MICU1: variants seen among roughly 807,000 people sequenced by gnomAD.
MICU1 encodes the protein calcium uptake protein 1, mitochondrial.
MICU1 carries 45 observed loss-of-function variants against 56.8 expected under a neutral mutation model. The ratio of observed to expected loss-of-function variants is 0.79; its 90% CI spans 0.62 to 1.02. The LOEUF is 1.02. Ranked by LOEUF, MICU1 falls within the 50% of genes least tolerant of loss-of-function variation. The probability of loss-of-function intolerance (pLI) is 0.00; values close to 1 mark genes in which losing one functional copy is unlikely to be tolerated. For missense variants in MICU1, 504 were observed against 587.1 expected (o/e 0.86, Z 1.46); for synonymous variants, 186 against 195.1 (o/e 0.95, Z 0.39).
rs368720974 is a variant in MICU1 at position 72,458,430 on chromosome 10, A to C, written c.933+16670T>G. On this transcript the variant is annotated intron_variant, in intron 8 of 11. Transcript: ENST00000361114. ...ATATTATCAAAACATCTCACTGATC[A>C]ATATAATCCAGCACAATGAATTTAA... Among the ~76,000 whole-genome samples the C allele has an allele frequency of 1.3e-3, 201 of 152,306 alleles. 1 individual carries two copies. The highest frequency in any genetic ancestry group is 4.6e-3 in the African/African-American group (191 of 41,580).
At chr10:72,458,144 C>A (rs1341595197) in intron 8 of MICU1, among the ~76,000 whole-genome samples, 3 of 143,708 alleles carry the variant, frequency 2.1e-5, no homozygotes, top group African/African-American at 5.2e-5. Context: ...CCAGCCTGGG[C>A]AACAAGAGTA....
chr10:72,580,621 CA>C (rs1840874430), intron 1 of MICU1, among the ~76,000 whole-genome samples: 1 of 152,158 alleles, frequency 6.6e-6, no homozygotes, highest in Non-Finnish European at 1.5e-5. Context: ...GGACTACAGG[CA>C]TGCGCCACCA....
intron 8 of MICU1, among the ~76,000 whole-genome samples, chr10:72,430,644 T>C (rs1864494835): frequency 6.6e-6 from 1 of 152,124 alleles, no homozygotes; most frequent in Non-Finnish European, 1.5e-5. Context: ...CACTGCAACC[T>C]CCACCTTCCA....
At chr10:72,569,427 G>T (rs1235261039) in intron 1 of MICU1, among the ~76,000 whole-genome samples, 1 of 150,300 alleles carries the variant, frequency 6.7e-6, no homozygotes, top group Admixed American at 6.6e-5. Flanking sequence ...TAGAGATGGG[G>T]TTTCATCATG....
At chr10:72,596,641 G>C (rs1293604017) in intron 1 of MICU1, among the ~76,000 whole-genome samples, 2 of 152,086 alleles carry the variant, frequency 1.3e-5, no homozygotes, top group Non-Finnish European at 2.9e-5. Flanking sequence ...GGAGGCCGAG[G>C]TGGGTGGACC....
chr10:72,555,011 T>A lies in MICU1; in HGVS notation c.331-3670A>T, dbSNP rs188243312. On this transcript the variant is annotated intron_variant, in intron 3 of 11. Transcript: ENST00000361114. The stretch of plus-strand genomic sequence containing the variant: ...GCCTGGGTGATAGAGAGAGACTCTA[T>A]CTCAAAACAAAACAAAACATACAAA... Among the ~76,000 whole-genome samples the A allele has an allele frequency of 1.2e-3, 186 of 152,124 alleles. 1 individual carries two copies. Among genetic ancestry groups the A allele is most frequent in the African/African-American group, 4.0e-3 (167 of 41,492 alleles).
chr10:72,496,272 G>A (rs7082088), intron 6 of MICU1, among the ~76,000 whole-genome samples: 8,004 of 150,766 alleles, frequency 0.053, 730 homozygotes, highest in African/African-American at 0.19. Flanking sequence ...GGATAATATA[G>A]GCATGTGCCA....
chr10:72,516,196 C>T (rs561642073), intron 5 of MICU1, among the ~76,000 whole-genome samples: 3 of 152,178 alleles, frequency 2.0e-5, no homozygotes, highest in Non-Finnish European at 2.9e-5. Flanking sequence ...CCAGTGATGA[C>T]GAGCTTTTTT....
At chr10:72,613,887 G>A in intron 1 of MICU1, among the ~76,000 whole-genome samples, 1 of 152,118 alleles carries the variant, frequency 6.6e-6, no homozygotes, top group East Asian at 1.9e-4. Context: ...GCTCACACCT[G>A]TAATCCCAGC....
intron 6 of MICU1, among the ~76,000 whole-genome samples, chr10:72,506,910 C>T (rs1274640945): frequency 6.6e-6 from 1 of 152,118 alleles, no homozygotes; most frequent in Non-Finnish European, 1.5e-5. Context: ...TACTGCTCCA[C>T]CGTATGAATT....
At chr10:72,526,648 C>T (rs1259753516) in intron 5 of MICU1, among the ~76,000 whole-genome samples, 6 of 152,112 alleles carry the variant, frequency 3.9e-5, no homozygotes, top group Non-Finnish European at 8.8e-5. Flanking sequence ...TAATGAGCAG[C>T]TCCATTCAAA....
intron 8 of MICU1, among the ~76,000 whole-genome samples, chr10:72,457,894 C>T (rs950463402): frequency 2.6e-5 from 4 of 152,048 alleles, no homozygotes; most frequent in Admixed American, 6.6e-5. Flanking sequence ...CTAGGCTGGG[C>T]GCAGTGGCTC....
intron 5 of MICU1, among the ~76,000 whole-genome samples, chr10:72,526,573 G>A (rs1271667058): frequency 1.3e-5 from 2 of 152,188 alleles, no homozygotes; most frequent in East Asian, 3.8e-4. Context: ...TGGGATTACA[G>A]GCATGAGCCA....
intron 5 of MICU1, among the ~76,000 whole-genome samples, chr10:72,531,919 GA>G (rs1266068952): frequency 2.7e-5 from 3 of 111,832 alleles, no homozygotes; most frequent in Admixed American, 9.4e-5. Flanking sequence ...TTTTTTTTTT[GA>G]GACGGAGTCT....
At chr10:72,476,949 G>A (rs901971410) in intron 7 of MICU1, among the ~76,000 whole-genome samples, 8 of 152,176 alleles carry the variant, frequency 5.3e-5, no homozygotes, top group African/African-American at 1.9e-4. Context: ...CGGAGCAACC[G>A]TGACCTTAAC....
intron 1 of MICU1, among the ~76,000 whole-genome samples, chr10:72,602,069 A>AT (rs1221629578): frequency 6.6e-6 from 1 of 151,132 alleles, no homozygotes; most frequent in Non-Finnish European, 1.5e-5. Flanking sequence ...AAGTGCTGGG[A>AT]TTACAGGCAT....
intron 1 of MICU1, among the ~76,000 whole-genome samples, chr10:72,611,251 A>C (rs1394674764): frequency 6.6e-5 from 10 of 150,814 alleles, no homozygotes; most frequent in African/African-American, 1.2e-4. Flanking sequence ...TGCAGTGAGC[A>C]GAGATCGCTC....
Position 72,537,683 on chromosome 10 carries a change from A to G in MICU1, c.494-3894T>C, listed in dbSNP as rs117196494. On this transcript the variant is annotated intron_variant, in intron 4 of 11. Transcript: ENST00000361114. ...TTTATTTTAACTCTAATAATCTTCTAATTATGGCAGTTGCCTCTTTTCTTG... is the reference window on the plus strand; with the variant it reads ...TTTATTTTAACTCTAATAATCTTCTGATTATGGCAGTTGCCTCTTTTCTTG... 7.0e-3 allele frequency among the ~76,000 whole-genome samples: 1,057 copies of G among 152,070 alleles called. 8 individuals are homozygous for G. The highest frequency in any genetic ancestry group is 9.9e-3 in the Non-Finnish European group (674 of 67,944).
chr10:72,399,806 T>C (rs1448393261), intron 10 of MICU1, among the ~76,000 whole-genome samples: 1 of 149,934 alleles, frequency 6.7e-6, no homozygotes, highest in East Asian at 2.0e-4. Context: ...CTACTAAAAA[T>C]ACAAAAATTA....
Sources: allele counts gnomAD v4.1 joint callset (sites outside exome capture counted in the v4.1 genomes callset), GRCh38; gene constraint gnomAD v4.1.1; transcripts MANE v1.5; gene names NCBI Gene and HGNC (gene_info 2026-07-23, HGNC 2026-07-21).